COX5A: variants seen among roughly 807,000 people sequenced by gnomAD.
COX5A encodes the protein cytochrome c oxidase subunit 5A, mitochondrial.
Under a neutral mutation model 16.1 loss-of-function variants are expected in COX5A, and 6 were observed. That is an observed-to-expected ratio of 0.37 (90% confidence interval 0.20 to 0.73). The LOEUF (loss-of-function observed/expected upper bound fraction) is 0.73. Ranked by LOEUF, COX5A falls within the 30% of genes least tolerant of loss-of-function variation. The pLI, the probability that COX5A is intolerant of heterozygous loss-of-function variation, is 0.50. For synonymous variants in COX5A, 73 were observed against 73.8 expected (o/e 0.99, Z 0.06); for missense variants, 159 against 194.9 (o/e 0.82, Z 1.10).
intron 2 of COX5A, among the ~76,000 whole-genome samples, chr15:74,927,623 T>C (rs1311869673): frequency 1.3e-5 from 2 of 151,968 alleles, no homozygotes; most frequent in Admixed American, 6.6e-5. Context: ...AGATACAAAA[T>C]TGGCCGGGCG....
At chr15:74,920,678 C>T (rs1566976488) in intron 4 of COX5A, among the ~76,000 whole-genome samples, 1 of 152,216 alleles carries the variant, frequency 6.6e-6, no homozygotes, top group East Asian at 1.9e-4. Context: ...TGCCATTTAA[C>T]AAAAGAAATT....
chr15:74,926,934 T>C, intron 2 of COX5A, 47 bp from the exon 3 acceptor site: 1 of 1,588,216 alleles, frequency 6.3e-7, no homozygotes, highest in Non-Finnish European at 8.6e-7. Context: ...AGAGCCTCAC[T>C]TAAACTATGA....
At chr15:74,936,922 CCCG>C (rs2065393322) in intron 1 of COX5A, among the ~76,000 whole-genome samples, 1 of 152,142 alleles carries the variant, frequency 6.6e-6, no homozygotes, top group Non-Finnish European at 1.5e-5. Context: ...AGCCACCGCG[CCCG>C]GCTGAGTTCT....
At chr15:74,931,227 G>A (rs1300816420) in intron 1 of COX5A, among the ~76,000 whole-genome samples, 3 of 151,528 alleles carry the variant, frequency 2.0e-5, no homozygotes, top group Non-Finnish European at 4.4e-5. Flanking sequence ...TGGGCTGGGC[G>A]CAGTGGCTCA....
At chr15:74,921,407 C>CAAAAAAA (rs56979177) in intron 4 of COX5A, among the ~76,000 whole-genome samples, 2 of 79,490 alleles carry the variant, frequency 2.5e-5, no homozygotes, top group African/African-American at 5.3e-5. Context: ...GACTCCGTCT[C>CAAAAAAA]AAAAAAAAAA....
chr15:74,920,117 G>A lies in COX5A; in HGVS notation c.*335C>T. 1 of 466,118 alleles carries A rather than the reference G, an allele frequency of 2.1e-6. No individual in the cohort carries two copies. Among genetic ancestry groups the A allele is most frequent in the South Asian group, 3.3e-5 (1 of 29,970 alleles). The allele number at this position is 466,118 out of a possible 1,614,324, so 28.9% of individuals were successfully genotyped here. A position where few individuals can be genotyped will look rare whatever the true frequency, so the allele number is the denominator to read the frequency against. On this transcript the variant is annotated 3_prime_UTR_variant, in exon 5 of 5. Transcript: ENST00000322347. ...TAGCCTTCAGCTAATTTACAAGCTA[G>A]GGCACCCAAACATATTAATGAAGCT... is the stretch of plus-strand genomic sequence containing the variant.
intron 1 of COX5A, among the ~76,000 whole-genome samples, chr15:74,932,632 A>G (rs1167706159): frequency 1.3e-5 from 2 of 152,092 alleles, no homozygotes; most frequent in African/African-American, 4.8e-5. Flanking sequence ...AATTACCTAC[A>G]TAATCCAAGC....
chr15:74,920,651 G>A (rs2065315661), intron 4 of COX5A, among the ~76,000 whole-genome samples: 1 of 152,112 alleles, frequency 6.6e-6, no homozygotes, highest in East Asian at 1.9e-4. Context: ...TTCCCAATCA[G>A]AAAAGTGTCC....
At position 74,930,834 on chromosome 15, in the gene COX5A, G is replaced by A. The variant is rs1595862655; in HGVS notation, c.101-1602C>T. 2.7e-5 allele frequency among the ~76,000 whole-genome samples: 4 copies of A among 149,722 alleles called. No homozygotes were observed. The South Asian group carries it at 6.3e-4, about 24-fold the overall frequency. ...ATATCGAAACCATCCTGGCTAACACGGTGAAACCCCGTCTCTACTAAAAAT... is the reference window on the plus strand; with the variant it reads ...ATATCGAAACCATCCTGGCTAACACAGTGAAACCCCGTCTCTACTAAAAAT... On this transcript the variant is annotated intron_variant, in intron 1 of 4. Transcript: ENST00000322347.
chr15:74,921,445 C>T (rs1026171226), intron 4 of COX5A, among the ~76,000 whole-genome samples: 2 of 144,152 alleles, frequency 1.4e-5, no homozygotes, highest in Non-Finnish European at 3.0e-5. Context: ...ATATCAATCA[C>T]AGGGCCAGAC....
chr15:74,927,146 T>TC (rs374710993), intron 2 of COX5A, among the ~76,000 whole-genome samples: 1 of 152,082 alleles, frequency 6.6e-6, no homozygotes, highest in Non-Finnish European at 1.5e-5. Flanking sequence ...GTTTTTTTTT[T>TC]CCCCTTTGAG....
At chr15:74,923,609 G>C (rs1595860659) in intron 4 of COX5A, 39 bp downstream of exon 4, 4 of 1,210,676 alleles carry the variant, frequency 3.3e-6, no homozygotes, top group Non-Finnish European at 4.9e-6. Context: ...ACACCTCTCT[G>C]GATTGTTTTC....
rs192806671 is a variant in COX5A, at chr15:74,930,142, G to A, written c.101-910C>T. On this transcript the variant is annotated intron_variant, in intron 1 of 4. Transcript: ENST00000322347. The stretch of plus-strand genomic sequence containing the variant: ...AAAACTAAAAAACTAAGACTAGGCC[G>A]GGCGCAGTGGCTCACGCCTGTAATC... 3.0e-3 allele frequency among the ~76,000 whole-genome samples: 411 copies of A among 139,022 alleles called. 4 individuals carry two copies. Among genetic ancestry groups the A allele is most frequent in the African/African-American group, 0.011 (393 of 37,342 alleles). The allele number at this position is 139,022 out of a possible 152,430, so 91.2% of individuals were successfully genotyped here.
intron 1 of COX5A, among the ~76,000 whole-genome samples, chr15:74,933,366 G>A (rs2065374767): frequency 1.3e-5 from 2 of 151,878 alleles, no homozygotes; most frequent in East Asian, 1.9e-4. Context: ...CCAAGATCGT[G>A]CCACTGCATT....
Position 74,920,348 on chromosome 15 carries a change from A to T in COX5A, c.*104T>A. ...CATGGCTTGGTACTCAATAAAGGAA[A>T]ACTTGTTCAAATAAGGTAATATGTT... On this transcript the variant is annotated 3_prime_UTR_variant, in exon 5 of 5. Transcript: ENST00000322347. 1.5e-6 allele frequency: 1 copy of T among 687,452 alleles called. No homozygotes were observed. The highest frequency in any genetic ancestry group is 2.6e-6 in the Non-Finnish European group (1 of 380,482). The allele number at this position is 687,452 out of a possible 1,614,324, so 42.6% of individuals were successfully genotyped here.
chr15:74,928,192 A>G (rs2141272160), intron 2 of COX5A, among the ~76,000 whole-genome samples: 1 of 152,292 alleles, frequency 6.6e-6, no homozygotes, highest in Non-Finnish European at 1.5e-5. Context: ...AGTCATTGAG[A>G]TTGAATTTTT....
At chr15:74,925,045 G>A (rs906546670) in intron 3 of COX5A, among the ~76,000 whole-genome samples, 3 of 152,162 alleles carry the variant, frequency 2.0e-5, no homozygotes, top group African/African-American at 4.8e-5. Context: ...AGTGCCGGCC[G>A]GGCGTGGTGG....
At chr15:74,932,248 C>G (rs1054814829) in intron 1 of COX5A, among the ~76,000 whole-genome samples, 6 of 152,274 alleles carry the variant, frequency 3.9e-5, no homozygotes, top group African/African-American at 1.4e-4. Context: ...AAACCTATCT[C>G]AAATCACATT....
At chr15:74,937,882 G>A (rs1353558865) in intron 1 of COX5A, 33 bp downstream of exon 1, 2 of 1,198,236 alleles carry the variant, frequency 1.7e-6, no homozygotes, top group East Asian at 3.2e-5. Context: ...GCAAGGACAC[G>A]AGGGCGCGGG....
Sources: allele counts gnomAD v4.1 joint callset (sites outside exome capture counted in the v4.1 genomes callset), GRCh38; gene constraint gnomAD v4.1.1; transcripts MANE v1.5; gene names NCBI Gene and HGNC (gene_info 2026-07-23, HGNC 2026-07-21).